The following FHIT variants were observed in gnomAD, a reference collection of about 807,000 sequenced individuals.
FHIT encodes bis(5'-adenosyl)-triphosphatase.
FHIT carries 19 observed loss-of-function variants against 17.9 expected under a neutral mutation model. That is an observed-to-expected ratio of 1.06 (90% CI 0.74 to 1.56). The LOEUF (loss-of-function observed/expected upper bound fraction) is 1.56, where lower values mean the gene tolerates loss of function less well. Ranked by LOEUF, FHIT falls within the 40% of genes most tolerant of loss-of-function variation. The pLI is 0.00. For missense variants in FHIT, 248 were observed against 189.2 expected, an observed-to-expected ratio of 1.31 and a Z score of -1.82; for synonymous variants, 81 against 69.7, an observed-to-expected ratio of 1.16 and a Z score of -0.81.
At chr3:60,605,109 C>G (rs1261265210) in intron 4 of FHIT, among the ~76,000 whole-genome samples, 1 of 151,972 alleles carries the variant, frequency 6.6e-6, no homozygotes, top group African/African-American at 2.4e-5. Flanking sequence ...AACACACACA[C>G]ACAGAGAGAG....
intron 5 of FHIT, among the ~76,000 whole-genome samples, chr3:60,189,824 T>C (rs1400317771): frequency 6.6e-6 from 1 of 152,222 alleles, no homozygotes; most frequent in Non-Finnish European, 1.5e-5. Flanking sequence ...TTCTAAAACA[T>C]TCTGTATTCT....
intron 5 of FHIT, among the ~76,000 whole-genome samples, chr3:60,471,647 C>T (rs2033093841): frequency 6.6e-6 from 1 of 152,196 alleles, no homozygotes; most frequent in South Asian, 2.1e-4. Context: ...GTGCCTCTTT[C>T]CTTAATATAC....
At chr3:60,827,778 T>C (rs892023690) in intron 3 of FHIT, among the ~76,000 whole-genome samples, 1 of 152,192 alleles carries the variant, frequency 6.6e-6, no homozygotes, top group African/African-American at 2.4e-5. Context: ...GCTCCACTGA[T>C]AGTGAAAGGA....
intron 3 of FHIT, among the ~76,000 whole-genome samples, chr3:60,916,113 G>T (rs139140852): frequency 6.6e-6 from 1 of 152,234 alleles, no homozygotes; most frequent in African/African-American, 2.4e-5. Context: ...TTATTACAAA[G>T]ATTATAAAGT....
intron 5 of FHIT, among the ~76,000 whole-genome samples, chr3:60,355,440 C>A (rs1236058768): frequency 6.6e-6 from 1 of 151,478 alleles, no homozygotes; most frequent in Non-Finnish European, 1.5e-5. Context: ...CATATCAATC[C>A]ATTTTCCATG....
intron 2 of FHIT, among the ~76,000 whole-genome samples, chr3:61,123,906 G>C (rs546115648): frequency 6.6e-6 from 1 of 152,202 alleles, no homozygotes; most frequent in South Asian, 2.1e-4. Flanking sequence ...ATACTCTTGA[G>C]CCCAGGAAAA....
intron 5 of FHIT, among the ~76,000 whole-genome samples, chr3:60,443,636 G>C (rs1345489547): frequency 1.3e-5 from 2 of 152,198 alleles, no homozygotes; most frequent in Admixed American, 6.6e-5. Flanking sequence ...CTTGATCATG[G>C]TGGATAAGCT....
At chr3:60,135,588 A>C (rs894492583) in intron 5 of FHIT, among the ~76,000 whole-genome samples, 1 of 152,100 alleles carries the variant, frequency 6.6e-6, no homozygotes, top group Admixed American at 6.5e-5. Context: ...GAGGTTCTAC[A>C]TGAAGTAACC....
intron 2 of FHIT, among the ~76,000 whole-genome samples, chr3:61,051,534 A>T (rs1351933929): frequency 1.3e-5 from 2 of 152,028 alleles, no homozygotes; most frequent in African/African-American, 4.8e-5. Context: ...CAGGCCTGAG[A>T]CACCACCCCT....
At chr3:60,389,874 C>T (rs1250919449) in intron 5 of FHIT, among the ~76,000 whole-genome samples, 27 of 152,146 alleles carry the variant, frequency 1.8e-4, no homozygotes, top group Non-Finnish European at 2.9e-4. Context: ...TGTCCACCTC[C>T]ACATTTTTCC....
intron 8 of FHIT, among the ~76,000 whole-genome samples, chr3:59,874,850 T>G (rs1365962322): frequency 6.6e-6 from 1 of 152,140 alleles, no homozygotes; most frequent in African/African-American, 2.4e-5. Context: ...CTTCTAGCAC[T>G]CCCTTTCAGT....
chr3:60,437,812 T>C (rs994031011), intron 5 of FHIT, among the ~76,000 whole-genome samples: 2 of 151,998 alleles, frequency 1.3e-5, no homozygotes, highest in Admixed American at 1.3e-4. Flanking sequence ...ATTCTAAAAA[T>C]ATGGAGTTAA....
intron 4 of FHIT, among the ~76,000 whole-genome samples, chr3:60,577,634 T>C (rs184489722): frequency 6.6e-6 from 1 of 152,290 alleles, no homozygotes; most frequent in Admixed American, 6.5e-5. Context: ...AAAAATTGTT[T>C]GCACACTGAG....
chr3:60,203,247 T>A (rs1403149419), intron 5 of FHIT, among the ~76,000 whole-genome samples: 2 of 152,074 alleles, frequency 1.3e-5, no homozygotes, highest in African/African-American at 4.8e-5. Context: ...TAAAAAAAAA[T>A]GACAACCACC....
intron 5 of FHIT, among the ~76,000 whole-genome samples, chr3:60,524,321 T>A (rs1243896900): frequency 1.3e-5 from 2 of 152,054 alleles, no homozygotes; most frequent in South Asian, 4.2e-4. Flanking sequence ...AATTTTAAGA[T>A]AATGGGAAAG....
chr3:60,626,805 C>T lies in FHIT; in HGVS notation c.-17-89826G>A, dbSNP rs78026905. Among the ~76,000 whole-genome samples, 130 of 135,982 alleles carry T rather than the reference C, an allele frequency of 9.6e-4. 3 individuals carry two copies. Among genetic ancestry groups the T allele is most frequent in the Admixed American group, 1.4e-3 (19 of 13,666 alleles). 89.2% of individuals were successfully genotyped at this position (135,982 alleles called of 152,430 possible). A position where few individuals can be genotyped will look rare whatever the true frequency, so the allele number is the denominator to read the frequency against. On this transcript the variant is annotated intron_variant, in intron 4 of 9. Coordinates refer to ENST00000492590, the MANE Select transcript of FHIT (RefSeq NM_002012.4). ...ACACTCTTTTTTTTTTTTTTTTTTA[C>T]GTTAAGTATGATATGAGCTGTGAAT... is the stretch of plus-strand genomic sequence containing the variant.
At chr3:60,901,654 C>G (rs1706119394) in intron 3 of FHIT, among the ~76,000 whole-genome samples, 1 of 152,218 alleles carries the variant, frequency 6.6e-6, no homozygotes, top group Non-Finnish European at 1.5e-5. Context: ...TTACCCTCTG[C>G]TAACATCTGA....
chr3:59,812,006 G>C (rs565097413), intron 8 of FHIT, among the ~76,000 whole-genome samples: 35 of 152,258 alleles, frequency 2.3e-4, no homozygotes, highest in South Asian at 2.3e-3. Flanking sequence ...ATACACTCCA[G>C]TAAGATCTAT....
intron 5 of FHIT, among the ~76,000 whole-genome samples, chr3:60,450,836 C>A (rs1366859890): frequency 6.6e-6 from 1 of 152,112 alleles, no homozygotes; most frequent in African/African-American, 2.4e-5. Flanking sequence ...AAGGTATATA[C>A]CAATTTAAGA....
Sources: allele counts gnomAD v4.1 joint callset (sites outside exome capture counted in the v4.1 genomes callset), GRCh38; gene constraint gnomAD v4.1.1; transcripts MANE v1.5; gene names NCBI Gene and HGNC (gene_info 2026-07-23, HGNC 2026-07-21).